The following SCN8A variants were observed in gnomAD, a reference collection of about 807,000 sequenced individuals.
SCN8A encodes the protein sodium channel protein type 8 subunit alpha.
Under a neutral mutation model 184.1 loss-of-function variants are expected in SCN8A, and 30 were observed. That is an observed-to-expected ratio of 0.16 (90% CI 0.12 to 0.22). The LOEUF is 0.22. Ranked by LOEUF, SCN8A falls within the 10% of genes least tolerant of loss-of-function variation. SCN8A has a pLI of 1.00. For synonymous variants in SCN8A, 852 were observed against 907.0 expected, an observed-to-expected ratio of 0.94 and a Z score of 1.09; for missense variants, 1,057 against 2,498.9, an observed-to-expected ratio of 0.42 and a Z score of 12.30.
intron 1 of SCN8A, among the ~76,000 whole-genome samples, chr12:51,601,468 A>G (rs184733641): frequency 7.4e-4 from 112 of 150,894 alleles, no homozygotes; most frequent in Non-Finnish European, 6.3e-4. Flanking sequence ...TGACTCATGC[A>G]GGAAACTTCA....
intron 1 of SCN8A, among the ~76,000 whole-genome samples, chr12:51,621,725 T>C (rs1019934312): frequency 2.0e-5 from 3 of 152,166 alleles, no homozygotes; most frequent in African/African-American, 7.2e-5. Context: ...ACAGGCCTCT[T>C]ACAGGCAGTC....
At position 51,769,051 on chromosome 12, in the gene SCN8A, G is replaced by A; in HGVS notation, c.3088G>A (p.Glu1030Lys). The A allele has an allele frequency of 1.2e-6, 2 of 1,614,024 alleles. No individual in the cohort carries two copies. The highest frequency in any genetic ancestry group is 1.1e-5 in the South Asian group (1 of 91,074). ...QAHFKQREAD[E>K]VKPLDELYEK... is the part of the protein sequence containing the mutation. The stretch of plus-strand genomic sequence containing the variant: ...CCACTTTAAGCAGCGTGAGGCTGAT[G>A]AGGTGAAGCCTCTGGATGAGTTGTA... The change falls in exon 17 of 27, where the codon GAG becomes AAG. Residue 1030 changes from glutamate (E) to lysine (K), a missense_variant. Physicochemically the swap from Glu to Lys is moderately conservative, Grantham distance 56. Around this residue, in one of 19 missense-constraint regions of SCN8A, gnomAD observed 178 missense variants for 259.6 expected, o/e 0.69. Coordinates refer to ENST00000627620, the MANE Select transcript of SCN8A (RefSeq NM_001330260.2).
intron 21 of SCN8A, among the ~76,000 whole-genome samples, chr12:51,786,012 T>C (rs1938074863): frequency 1.3e-5 from 2 of 152,218 alleles, no homozygotes; most frequent in African/African-American, 4.8e-5. Context: ...AAAATATGCA[T>C]GCTCAGCTAT....
At chr12:51,666,674 C>T (rs1295920224) in intron 2 of SCN8A, among the ~76,000 whole-genome samples, 2 of 152,192 alleles carry the variant, frequency 1.3e-5, no homozygotes, top group Non-Finnish European at 2.9e-5. Context: ...GTCTTTGTGA[C>T]TCTCACAAAA....
intron 6 of SCN8A, chr12:51,689,558 AG>A: frequency 6.4e-6 from 1 of 155,104 alleles, no homozygotes; most frequent in Non-Finnish European, 1.4e-5. Context: ...TTTTAATCAC[AG>A]AAGAGATCTA....
At chr12:51,732,417 C>G (rs1031817046) in intron 12 of SCN8A, among the ~76,000 whole-genome samples, 1 of 152,072 alleles carries the variant, frequency 6.6e-6, no homozygotes, top group Admixed American at 6.6e-5. Context: ...CTATTCTGTT[C>G]CATTGGTCTG....
At chr12:51,803,678 T>A (rs1016267117) in intron 26 of SCN8A, among the ~76,000 whole-genome samples, 1 of 152,142 alleles carries the variant, frequency 6.6e-6, no homozygotes, top group Non-Finnish European at 1.5e-5. Context: ...GCCCACCATA[T>A]ATGGGCTGCA....
At chr12:51,699,873 A>G in intron 7 of SCN8A, 82 bp downstream of exon 7, 2 of 1,301,430 alleles carry the variant, frequency 1.5e-6, no homozygotes, top group Non-Finnish European at 2.2e-6. Context: ...AGGGCTTAAA[A>G]AAGTAGTTGG....
chr12:51,645,686 A>G (rs9705938), intron 1 of SCN8A, among the ~76,000 whole-genome samples: 1 of 151,630 alleles, frequency 6.6e-6, no homozygotes. Context: ...CATGTGCTGT[A>G]TCCACTCAGG....
intron 1 of SCN8A, among the ~76,000 whole-genome samples, chr12:51,616,609 C>CAAACAAACAAACA (rs1357591275): frequency 6.6e-6 from 1 of 151,418 alleles, no homozygotes; most frequent in East Asian, 1.9e-4. Flanking sequence ...AAACTGTCTC[C>CAAACAAACAAACA]AAACAAACAA....
At chr12:51,666,473 A>T (rs987546166) in intron 2 of SCN8A, among the ~76,000 whole-genome samples, 31 of 152,216 alleles carry the variant, frequency 2.0e-4, no homozygotes, top group African/African-American at 7.2e-5. Context: ...AAGGAAGCAC[A>T]CTGGGAATTA....
chr12:51,696,237 G>C (rs1194978858), intron 6 of SCN8A, among the ~76,000 whole-genome samples: 1 of 152,100 alleles, frequency 6.6e-6, no homozygotes, highest in Non-Finnish European at 1.5e-5. Context: ...AAAAAGTCCA[G>C]GAAAAAGAAA....
At chr12:51,664,161 T>C (rs1439792481) in intron 2 of SCN8A, among the ~76,000 whole-genome samples, 5 of 151,968 alleles carry the variant, frequency 3.3e-5, no homozygotes, top group Admixed American at 6.5e-5. Flanking sequence ...GAACGGTAGA[T>C]TGGAAGTAAG....
chr12:51,673,798 A>G (rs1179696601), intron 2 of SCN8A, among the ~76,000 whole-genome samples: 1 of 152,204 alleles, frequency 6.6e-6, no homozygotes, highest in Non-Finnish European at 1.5e-5. Context: ...GTAAACCTCA[A>G]TAACAATATT....
Position 51,699,738 on chromosome 12 carries a change from A to T in SCN8A, c.875A>T (p.Tyr292Phe), listed in dbSNP as rs760924400. The change falls in exon 7 of 27, where the codon TAT (tyrosine) becomes TTT (phenylalanine). Residue 292 changes from tyrosine (Y) to phenylalanine (F), a missense_variant. Tyr to Phe is a conservative substitution (Grantham distance 22). This residue lies in a region of SCN8A where 26 missense variants were observed against 44.4 expected (regional missense o/e 0.59). Coordinates refer to ENST00000627620, the MANE Select transcript of SCN8A (RefSeq NM_001330260.2). ...VVWPINFNESYLENGTKGFDW... is the reference protein window; with the variant it reads ...VVWPINFNESFLENGTKGFDW... ...TGGCCCATAAACTTCAACGAGAGCT[A>T]TCTTGAAAATGGCACCAAAGGCTTT... 1 of 1,613,966 alleles carries T rather than the reference A, an allele frequency of 6.2e-7. No homozygotes were observed. Among genetic ancestry groups the T allele is most frequent in the Non-Finnish European group, 8.5e-7 (1 of 1,179,860 alleles).
chr12:51,747,807 TTC>T lies in SCN8A; in HGVS notation c.2131+1776_2131+1777del, dbSNP rs553350959. On this transcript the variant is annotated intron_variant, in intron 13 of 26. Transcript: ENST00000627620. ...CTTTTCTGCCTCTTCTCCCTGTTCT[TTC>T]TCTTTCTGTCCTGCTGTGCTTATTC... 3.8e-3 allele frequency among the ~76,000 whole-genome samples: 585 copies of T among 152,194 alleles called. 2 individuals are homozygous for T. Among genetic ancestry groups the T allele is most frequent in the African/African-American group, 0.014 (567 of 41,510 alleles).
chr12:51,593,304 A>G (rs764740762), intron 1 of SCN8A, among the ~76,000 whole-genome samples: 1 of 152,142 alleles, frequency 6.6e-6, no homozygotes, highest in Non-Finnish European at 1.5e-5. Context: ...TTCAGGGTAT[A>G]TGTAAATGTG....
At chr12:51,721,456 G>A in intron 11 of SCN8A, 90 bp from the exon 12 acceptor site, 4 of 1,381,486 alleles carry the variant, frequency 2.9e-6, no homozygotes, top group African/African-American at 1.5e-5. Flanking sequence ...GGTGGGGCCG[G>A]CTGGGAACCT....
intron 1 of SCN8A, among the ~76,000 whole-genome samples, chr12:51,661,007 T>A (rs1940914366): frequency 6.6e-6 from 1 of 152,192 alleles, no homozygotes; most frequent in Non-Finnish European, 1.5e-5. Flanking sequence ...CTATGTGATT[T>A]ACTTACTAAA....
Sources: allele counts gnomAD v4.1 joint callset (sites outside exome capture counted in the v4.1 genomes callset), GRCh38; gene constraint gnomAD v4.1.1; regional missense constraint gnomAD v4.1.1; transcripts MANE v1.5; gene names NCBI Gene and HGNC (gene_info 2026-07-23, HGNC 2026-07-21).